The following PCDHA7 variants were observed in gnomAD, a reference collection of about 807,000 sequenced individuals.
PCDHA7 encodes protocadherin alpha-7.
Under a neutral mutation model 57.2 loss-of-function variants are expected in PCDHA7, and 37 were observed. The observed-to-expected ratio is 0.65, with a 90% CI of 0.50 to 0.85. The LOEUF is 0.85. PCDHA7 is among the 40% of genes least tolerant of loss of function. The probability of loss-of-function intolerance (pLI) is 0.00; values close to 1 mark genes in which losing one functional copy is unlikely to be tolerated. For synonymous variants in PCDHA7, 553 were observed against 558.8 expected (o/e 0.99, Z 0.15); for missense variants, 1,188 against 1,241.8 (o/e 0.96, Z 0.65).
chr5:141,009,372 T>C (rs1026606654), intron 3 of PCDHA7, among the ~76,000 whole-genome samples: 3 of 152,152 alleles, frequency 2.0e-5, no homozygotes, highest in Non-Finnish European at 1.5e-5. Context: ...GATGGGAGGA[T>C]TGATTGAGCA....
At chr5:140,844,971 G>A (rs2150375443) in intron 1 of PCDHA7, among the ~76,000 whole-genome samples, 3 of 149,220 alleles carry the variant, frequency 2.0e-5, no homozygotes, top group Admixed American at 6.7e-5. Context: ...TTTGTTATTA[G>A]TATTGTTTTA....
chr5:140,972,244 A>G (rs2096526797), intron 1 of PCDHA7, among the ~76,000 whole-genome samples: 1 of 151,646 alleles, frequency 6.6e-6, no homozygotes, highest in African/African-American at 2.4e-5. Context: ...GGCTCAAGCA[A>G]TCCTCACACA....
At chr5:140,870,239 G>A (rs781847723) in intron 1 of PCDHA7, 2 of 1,614,134 alleles carry the variant, frequency 1.2e-6, no homozygotes, top group South Asian at 1.1e-5. Flanking sequence ...CGTGACTCAG[G>A]TGTCAACGGA....
chr5:141,000,422 T>TATATA (rs1491457105), intron 3 of PCDHA7, among the ~76,000 whole-genome samples: 1 of 51,852 alleles, frequency 1.9e-5, no homozygotes, highest in Non-Finnish European at 3.5e-5. Flanking sequence ...TATATATATA[T>TATATA]TTTTTTTTTT....
intron 1 of PCDHA7, among the ~76,000 whole-genome samples, chr5:140,911,947 G>C (rs559007219): frequency 6.6e-6 from 1 of 152,144 alleles, no homozygotes; most frequent in African/African-American, 2.4e-5. Context: ...TATATATAAA[G>C]GGGAGGTTAC....
intron 1 of PCDHA7, chr5:140,857,068 G>A (rs2044345750): frequency 1.3e-6 from 2 of 1,596,170 alleles, no homozygotes; most frequent in Admixed American, 3.4e-5. Context: ...TGGAACTACT[G>A]GATGAAAATG....
intron 1 of PCDHA7, chr5:140,861,550 T>G: frequency 2.4e-6 from 1 of 415,394 alleles, no homozygotes; most frequent in South Asian, 2.1e-5. Flanking sequence ...CACCTGGAAG[T>G]GATCGTGGAC....
At chr5:140,999,321 A>G (rs1043394227) in intron 3 of PCDHA7, among the ~76,000 whole-genome samples, 32 of 152,198 alleles carry the variant, frequency 2.1e-4, no homozygotes, top group Non-Finnish European at 3.2e-4. Context: ...ACAGACATTG[A>G]TCTGTGTGAT....
chr5:141,003,104 C>G (rs1447493860), intron 3 of PCDHA7, among the ~76,000 whole-genome samples: 1 of 152,236 alleles, frequency 6.6e-6, no homozygotes, highest in East Asian at 1.9e-4. Context: ...ATTTGCTTCA[C>G]AATCTTCTGG....
intron 3 of PCDHA7, among the ~76,000 whole-genome samples, chr5:140,999,585 G>C (rs1240906342): frequency 6.6e-6 from 1 of 152,152 alleles, no homozygotes; most frequent in Non-Finnish European, 1.5e-5. Flanking sequence ...AAGGGAAATT[G>C]CCTTCCCTAC....
In PCDHA7 at chr5:140,927,503, C is replaced by T. The variant is rs148532418; in HGVS notation, c.2356-51446C>T. On this transcript the variant is annotated intron_variant, in intron 1 of 3. Transcript: ENST00000525929. ...CGCGCCACCCACCTGCTGGTGCTTA[C>T]AGCTCGGGACGGCGGGCTACCTGCC... The T allele has an allele frequency of 1.2e-4, 190 of 1,614,128 alleles. No homozygotes were observed. In the African/African-American group the frequency reaches 2.3e-3, roughly 19 times the overall value.
At chr5:140,848,361 A>G in intron 1 of PCDHA7, 1 of 1,069,062 alleles carries the variant, frequency 9.4e-7, no homozygotes, top group East Asian at 2.4e-5. Context: ...TTCCCATGGG[A>G]AAGAGGCTCA....
intron 1 of PCDHA7, among the ~76,000 whole-genome samples, chr5:140,874,875 C>T (rs1198638735): frequency 2.6e-5 from 4 of 152,134 alleles, no homozygotes; most frequent in African/African-American, 9.7e-5. Flanking sequence ...TTGTTAAATA[C>T]AAATTCCTAA....
At chr5:140,883,311 C>T (rs1562787016) in intron 1 of PCDHA7, 9 of 1,613,984 alleles carry the variant, frequency 5.6e-6, no homozygotes, top group Non-Finnish European at 7.6e-6. Flanking sequence ...GATAACGCCC[C>T]AGAGGTTACC....
chr5:140,915,138 G>A (rs139042327), intron 1 of PCDHA7, among the ~76,000 whole-genome samples: 2,353 of 151,838 alleles, frequency 0.015, 60 homozygotes, highest in African/African-American at 0.053. Context: ...TAGTAGAGAC[G>A]GGGTTTCACC....
chr5:140,886,705 A>T (rs1293719338), intron 1 of PCDHA7, among the ~76,000 whole-genome samples: 3 of 152,058 alleles, frequency 2.0e-5, no homozygotes, highest in Non-Finnish European at 2.9e-5. Flanking sequence ...ACGCGCCTGT[A>T]ATCCCAGCTA....
intron 1 of PCDHA7, among the ~76,000 whole-genome samples, chr5:140,880,929 A>T (rs2058535682): frequency 6.6e-6 from 1 of 152,232 alleles, no homozygotes; most frequent in African/African-American, 2.4e-5. Flanking sequence ...TATGTTAGTA[A>T]AAGTAATGGA....
At chr5:140,897,252 A>G (rs1179343621) in intron 1 of PCDHA7, among the ~76,000 whole-genome samples, 3 of 152,018 alleles carry the variant, frequency 2.0e-5, no homozygotes, top group East Asian at 3.9e-4. Flanking sequence ...TTACATATGT[A>G]TACATGTGCC....
intron 1 of PCDHA7, chr5:140,876,262 C>A (rs1554168436): frequency 6.2e-7 from 1 of 1,614,012 alleles, no homozygotes. Context: ...AGTGATCCAA[C>A]TAAATGCTTC....
Sources: gnomAD v4.1 joint callset for allele counts (sites outside exome capture counted in the v4.1 genomes callset) on GRCh38, gnomAD v4.1.1 for gene constraint, MANE v1.5 for transcripts, NCBI Gene and HGNC (gene_info 2026-07-23, HGNC 2026-07-21) for gene names.